SV2B: variants seen among roughly 807,000 people sequenced by gnomAD.
The protein encoded by SV2B is synaptic vesicle glycoprotein 2B, also known as solute carrier family 22 member B2.
SV2B carries 41 observed loss-of-function variants against 73.9 expected under a neutral mutation model. That is an observed-to-expected ratio of 0.56 (90% CI 0.43 to 0.72). The LOEUF (loss-of-function observed/expected upper bound fraction) is 0.72. Ranked by LOEUF, SV2B falls within the 30% of genes least tolerant of loss-of-function variation. The pLI is 0.00. For synonymous variants in SV2B, 314 were observed against 314.2 expected (o/e 1.00, Z 0.01); for missense variants, 764 against 857.8 (o/e 0.89, Z 1.37).
At chr15:91,148,245 C>T (rs1050340357) in intron 1 of SV2B, among the ~76,000 whole-genome samples, 2 of 152,068 alleles carry the variant, frequency 1.3e-5, no homozygotes, top group African/African-American at 4.8e-5. Flanking sequence ...TCCCAAAGTG[C>T]TGGGATTACA....
intron 1 of SV2B, among the ~76,000 whole-genome samples, chr15:91,160,564 T>C (rs1567302270): frequency 1.3e-5 from 2 of 152,270 alleles, no homozygotes; most frequent in East Asian, 3.9e-4. Context: ...GCTGAGATCA[T>C]GCCACTGCAC....
At chr15:91,215,653 C>G (rs1038966830) in intron 1 of SV2B, among the ~76,000 whole-genome samples, 5 of 152,048 alleles carry the variant, frequency 3.3e-5, no homozygotes, top group African/African-American at 4.8e-5. Context: ...GCATTTTTAC[C>G]TGGTATTATA....
Position 91,265,175 on chromosome 15 carries a change from G to A in SV2B, c.1009-1407G>A, listed in dbSNP as rs114987059. Among the ~76,000 whole-genome samples, 861 of 152,268 alleles carry A rather than the reference G, an allele frequency of 5.7e-3. 10 individuals are homozygous for A. Among genetic ancestry groups the A allele is most frequent in the African/African-American group, 0.019 (774 of 41,540 alleles). ...AGACGTGCTCATAGATGTATTCAGT[G>A]GCCTGGAGGGAGAGCTTAGGGCAGT... On this transcript the variant is annotated intron_variant, in intron 6 of 12. Coordinates refer to ENST00000394232, the MANE Select transcript of SV2B (RefSeq NM_001323032.3). This position sits in a 1 kb window ranked among gnomAD's most constrained non-coding sequence, Gnocchi z 4.2.
At chr15:91,218,861 C>T (rs1264720457) in intron 1 of SV2B, among the ~76,000 whole-genome samples, 2 of 152,200 alleles carry the variant, frequency 1.3e-5, no homozygotes, top group Admixed American at 6.5e-5. Context: ...CCTGAGGATA[C>T]TGGTATCTGG....
intron 1 of SV2B, among the ~76,000 whole-genome samples, chr15:91,211,124 C>G (rs1335271167): frequency 6.6e-6 from 1 of 152,190 alleles, no homozygotes; most frequent in African/African-American, 2.4e-5. Flanking sequence ...AAATCAACGG[C>G]AGTAGTTTCG....
intron 1 of SV2B, among the ~76,000 whole-genome samples, chr15:91,191,686 A>G (rs537380215): frequency 6.6e-6 from 1 of 152,342 alleles, no homozygotes; most frequent in South Asian, 2.1e-4. Context: ...TGTCTGGTGC[A>G]AAATTTTTCT....
chr15:91,183,132 C>T (rs182776435), intron 1 of SV2B, among the ~76,000 whole-genome samples: 102 of 152,256 alleles, frequency 6.7e-4, no homozygotes, highest in African/African-American at 1.8e-3. Flanking sequence ...GGGGACTTAA[C>T]GTTGTCTGGG....
chr15:91,292,370 G>A lies in SV2B; in HGVS notation c.1870G>A (p.Ala624Thr), dbSNP rs758646416. 2 of 1,613,576 alleles carry A rather than the reference G, an allele frequency of 1.2e-6. No individual in the cohort carries two copies. The highest frequency in any genetic ancestry group is 1.7e-6 in the Non-Finnish European group (2 of 1,179,674). Residue 624 changes from alanine to threonine, a missense_variant and splice_region_variant, in exon 13 of 13, where the codon GCA (alanine) becomes ACA (threonine). Coordinates refer to ENST00000394232, the MANE Select transcript of SV2B (RefSeq NM_001323032.3). ...ATTATTTCCATTCCTCTTTTACAGA[G>A]CAACAGCCTTCGGCATTCTCAATGG... ...TVELYPTNQR[A>T]TAFGILNGLC...
chr15:91,223,585 T>C lies in SV2B; in HGVS notation c.-391-2288T>C, dbSNP rs149214474. On this transcript the variant is annotated intron_variant, in intron 1 of 12. Coordinates refer to ENST00000394232, the MANE Select transcript of SV2B (RefSeq NM_001323032.3). The surrounding 1 kb of genome is among the most constrained non-coding windows in gnomAD (Gnocchi z 4.6). ...TGTTATAGGGCCCCCAGGATGGAAA[T>C]AACACACCAGATCTCAGTCAGGTGG... Among the ~76,000 whole-genome samples, 56 of 152,312 alleles carry C rather than the reference T, an allele frequency of 3.7e-4. 1 individual carries two copies. Among genetic ancestry groups the C allele is most frequent in the African/African-American group, 1.3e-3 (52 of 41,558 alleles).
Position 91,267,570 on chromosome 15 carries a change from C to G in SV2B, c.1135C>G (p.Leu379Val). 6 of 1,613,328 alleles carry G rather than the reference C, an allele frequency of 3.7e-6. No homozygotes were observed. The highest frequency in any genetic ancestry group is 5.1e-6 in the Non-Finnish European group (6 of 1,179,654). The stretch of plus-strand genomic sequence containing the variant: ...TGGGTTGTAGGTCTGGGATAATGCC[C>G]TGTACTGTGTGATGGGGCCCTACAG... The part of the protein sequence containing the change: ...TIFKQVWDNA[L>V]YCVMGPYRMN... Residue 379 changes from leucine (L) to valine (V), a missense_variant, in exon 8 of 13, where the codon CTG becomes GTG. By Grantham distance (32) the Leu-to-Val change is conservative. Transcript: ENST00000394232. The surrounding 1 kb of genome is among the most constrained non-coding windows in gnomAD (Gnocchi z 4.3).
rs1048708495 is a variant in SV2B at position 91,290,255 on chromosome 15, GC to G, written c.1868+578del. Among the ~76,000 whole-genome samples the G allele has an allele frequency of 1.3e-5, 2 of 152,152 alleles. No individual in the cohort carries two copies. Among genetic ancestry groups the G allele is most frequent in the African/African-American group, 4.8e-5 (2 of 41,446 alleles). ...TAAAGTTTAAAGGAGAAGATAAGAG[GC>G]CCTGTGGTCAAAAAGGAATGTGAAG... On this transcript the variant is annotated intron_variant, in intron 12 of 12. Coordinates refer to ENST00000394232, the MANE Select transcript of SV2B (RefSeq NM_001323032.3). This position sits in a 1 kb window ranked among gnomAD's most constrained non-coding sequence, Gnocchi z 4.7.
At position 91,210,360 on chromosome 15, in the gene SV2B, C is replaced by T. The variant is rs558642791; in HGVS notation, c.-391-15513C>T. ...ACCAAGCAGGAGGTGGTAAGTAGTTCGGTCTAAGCTGCGGAGAGTACAGAT... is the reference window on the plus strand; with the variant it reads ...ACCAAGCAGGAGGTGGTAAGTAGTTTGGTCTAAGCTGCGGAGAGTACAGAT... On this transcript the variant is annotated intron_variant, in intron 1 of 12. Transcript: ENST00000394232. 4.6e-5 allele frequency among the ~76,000 whole-genome samples: 7 copies of T among 151,868 alleles called. No individual in the cohort carries two copies. In the East Asian group the frequency reaches 7.8e-4, roughly 17 times the overall value.
intron 4 of SV2B, among the ~76,000 whole-genome samples, chr15:91,257,648 A>C (rs557817526): frequency 6.6e-6 from 1 of 152,288 alleles, no homozygotes; most frequent in Non-Finnish European, 1.5e-5. Flanking sequence ...TTTGCGCTGG[A>C]ATCACCTGGA....
At position 91,292,464 on chromosome 15, in the gene SV2B, T is replaced by A; in HGVS notation, c.1964T>A (p.Val655Asp). The change falls in exon 13 of 13, where the codon GTC becomes GAC. Residue 655 changes from valine to aspartate, a missense_variant. Physicochemically the swap from Val to Asp is radical, Grantham distance 152 (BLOSUM62 -3). Coordinates refer to ENST00000394232, the MANE Select transcript of SV2B (RefSeq NM_001323032.3). ...FASFVGITKV[V>D]PILLAAASLV... ...TCTTTTGTTGGGATAACCAAAGTGG[T>A]CCCCATCCTTCTGGCTGCTGCTTCT... 1 of 1,614,178 alleles carries A rather than the reference T, an allele frequency of 6.2e-7. No individual in the cohort carries two copies. Among genetic ancestry groups the A allele is most frequent in the Non-Finnish European group, 8.5e-7 (1 of 1,180,022 alleles).
At chr15:91,113,693 C>A (rs2042098755) in intron 1 of SV2B, among the ~76,000 whole-genome samples, 1 of 152,160 alleles carries the variant, frequency 6.6e-6, no homozygotes, top group Non-Finnish European at 1.5e-5. Context: ...TTGTTTCTGA[C>A]TTCTACAAAA....
At chr15:91,187,431 G>T (rs139863012) in intron 1 of SV2B, among the ~76,000 whole-genome samples, 1 of 152,328 alleles carries the variant, frequency 6.6e-6, no homozygotes, top group East Asian at 1.9e-4. Context: ...GCATGTGAAA[G>T]TAGCAGGTAA....
intron 9 of SV2B, among the ~76,000 whole-genome samples, chr15:91,274,295 G>A (rs986235597): frequency 1.3e-5 from 2 of 152,088 alleles, no homozygotes; most frequent in Non-Finnish European, 1.5e-5. Flanking sequence ...AGTAGTATAC[G>A]GTGTATATTT....
At chr15:91,276,073 T>C (rs1256624197) in intron 9 of SV2B, among the ~76,000 whole-genome samples, 1 of 151,988 alleles carries the variant, frequency 6.6e-6, no homozygotes, top group Admixed American at 6.5e-5. Flanking sequence ...AGTTTTTTTT[T>C]TTTTTCCAGT....
At chr15:91,222,048 C>A (rs988392077) in intron 1 of SV2B, among the ~76,000 whole-genome samples, 1 of 152,188 alleles carries the variant, frequency 6.6e-6, no homozygotes, top group Non-Finnish European at 1.5e-5. Context: ...CTCTGCATAG[C>A]CTTGTCCTCC....
Sources: gnomAD v4.1 joint callset for allele counts (sites outside exome capture counted in the v4.1 genomes callset) on GRCh38, gnomAD v4.1.1 for gene constraint, Gnocchi (gnomAD v3.1) non-coding constraint, MANE v1.5 for transcripts, NCBI Gene and HGNC (gene_info 2026-07-23, HGNC 2026-07-21) for gene names.